Variants in KCNN3 observed in about 807,000 individuals in gnomAD.
The protein encoded by KCNN3 is small conductance calcium-activated potassium channel protein 3.
In KCNN3, 16 loss-of-function variants were observed where a neutral mutation model predicts 62.9. That is an observed-to-expected ratio of 0.25 (90% CI 0.17 to 0.39). The LOEUF is 0.39. Ranked by LOEUF, KCNN3 falls within the 10% of genes least tolerant of loss-of-function variation. The pLI is 1.00. For missense variants in KCNN3, 599 were observed against 949.4 expected (o/e 0.63, Z 4.85); for synonymous variants, 370 against 389.2 (o/e 0.95, Z 0.58).
At chr1:154,770,686 C>G (rs1648513976) in intron 3 of KCNN3, among the ~76,000 whole-genome samples, 1 of 152,140 alleles carries the variant, frequency 6.6e-6, no homozygotes. Flanking sequence ...GTAACTTGCC[C>G]TAGGTCTCAC....
At chr1:154,754,535 C>G (rs1438264390) in intron 3 of KCNN3, among the ~76,000 whole-genome samples, 3 of 152,208 alleles carry the variant, frequency 2.0e-5, no homozygotes, top group African/African-American at 4.8e-5. Flanking sequence ...ATGAAAGTGA[C>G]ATGTGTTACT....
intron 5 of KCNN3, among the ~76,000 whole-genome samples, chr1:154,715,467 T>C (rs1266245733): frequency 6.6e-6 from 1 of 151,350 alleles, no homozygotes; most frequent in Non-Finnish European, 1.5e-5. Flanking sequence ...AAAAAGGTGA[T>C]TAAAATTCAT....
chr1:154,789,972 G>A lies in KCNN3; in HGVS notation c.1030-17579C>T, dbSNP rs184249857. 8.7e-4 allele frequency among the ~76,000 whole-genome samples: 132 copies of A among 152,224 alleles called. 1 individual carries two copies. Among genetic ancestry groups the A allele is most frequent in the African/African-American group, 3.2e-3 (131 of 41,530 alleles). ...CCAGGCTGGAGGAGTGCAGTGGTGC[G>A]ATCTTGGCTCACTGCAACCTCTGCC... On this transcript the variant is annotated intron_variant, in intron 2 of 7. Coordinates refer to ENST00000271915, the MANE Select transcript of KCNN3 (RefSeq NM_002249.6).
intron 2 of KCNN3, among the ~76,000 whole-genome samples, chr1:154,811,260 C>A (rs989100625): frequency 6.6e-6 from 1 of 152,090 alleles, no homozygotes; most frequent in African/African-American, 2.4e-5. Context: ...GCGAAGAGAG[C>A]TCACCACAAG....
chr1:154,824,691 T>C lies in KCNN3; in HGVS notation c.934-2507A>G, dbSNP rs1336329365. On this transcript the variant is annotated intron_variant, in intron 1 of 7. Coordinates refer to ENST00000271915, the MANE Select transcript of KCNN3 (RefSeq NM_002249.6). ...ATCAGCTGCACATTTCAGCCCCTTATTTATTTCTTTTGGCAGCAATGAATT... is the reference window on the plus strand; with the variant it reads ...ATCAGCTGCACATTTCAGCCCCTTACTTATTTCTTTTGGCAGCAATGAATT... 3.3e-5 allele frequency among the ~76,000 whole-genome samples: 5 copies of C among 152,248 alleles called. No individual in the cohort carries two copies. In the South Asian group the frequency reaches 6.2e-4, roughly 19 times the overall value.
chr1:154,855,631 T>G (rs1652490508), intron 1 of KCNN3, among the ~76,000 whole-genome samples: 1 of 152,236 alleles, frequency 6.6e-6, no homozygotes, highest in Admixed American at 6.5e-5. Context: ...GTAAGTGCAC[T>G]GCATGATGCT....
intron 2 of KCNN3, among the ~76,000 whole-genome samples, chr1:154,813,505 C>T (rs1413779828): frequency 6.6e-6 from 1 of 152,154 alleles, no homozygotes; most frequent in Non-Finnish European, 1.5e-5. Context: ...AACACGGACT[C>T]TTCCCGAAAC....
At chr1:154,758,441 G>T (rs551949122) in intron 3 of KCNN3, among the ~76,000 whole-genome samples, 1 of 152,384 alleles carries the variant, frequency 6.6e-6, no homozygotes, top group East Asian at 1.9e-4. Flanking sequence ...TTGTGGGAGT[G>T]TCAGAGCCCA....
At chr1:154,853,570 C>A (rs11800262) in intron 1 of KCNN3, among the ~76,000 whole-genome samples, 71 of 152,284 alleles carry the variant, frequency 4.7e-4, no homozygotes, top group Middle Eastern at 3.4e-3. Context: ...TGAGCTCAAG[C>A]GATCCTCCTG....
At chr1:154,842,640 GCC>G (rs1182888128) in intron 1 of KCNN3, among the ~76,000 whole-genome samples, 16 of 11,790 alleles carry the variant, frequency 1.4e-3, no homozygotes, top group South Asian at 7.5e-3. Context: ...CCCCCCCCCC[GCC>G]ACCACCTCCT....
At chr1:154,851,727 A>G (rs1190133551) in intron 1 of KCNN3, among the ~76,000 whole-genome samples, 1 of 151,996 alleles carries the variant, frequency 6.6e-6, no homozygotes, top group Non-Finnish European at 1.5e-5. Flanking sequence ...CCAAACCATC[A>G]CCACCCTCAC....
intron 1 of KCNN3, among the ~76,000 whole-genome samples, chr1:154,849,409 C>T (rs111463542): frequency 9.8e-5 from 15 of 152,326 alleles, no homozygotes; most frequent in African/African-American, 3.4e-4. Flanking sequence ...GACTAGAAAG[C>T]GGATTGGCCT....
intron 4 of KCNN3, among the ~76,000 whole-genome samples, chr1:154,726,666 C>G (rs1222051420): frequency 2.0e-5 from 3 of 152,248 alleles, no homozygotes; most frequent in Admixed American, 6.5e-5. Context: ...TACGCTATGA[C>G]TCAGCACAAG....
intron 3 of KCNN3, among the ~76,000 whole-genome samples, chr1:154,761,041 T>C (rs1035821675): frequency 1.3e-5 from 2 of 152,278 alleles, no homozygotes; most frequent in Admixed American, 1.3e-4. Flanking sequence ...CATGAGTTCC[T>C]ATGGAAGATG....
At position 154,705,770 on chromosome 1, in the gene KCNN3, G is replaced by A. The variant is rs951154677; in HGVS notation, c.*2206C>T. ...CACAGGGTTATAGCAGAATGAAAACGGTGGGTAGGAATCACCAGTTGAAGG... is the reference window on the plus strand; with the variant it reads ...CACAGGGTTATAGCAGAATGAAAACAGTGGGTAGGAATCACCAGTTGAAGG... On this transcript the variant is annotated 3_prime_UTR_variant, in exon 8 of 8. Transcript: ENST00000271915. The A allele has an allele frequency of 3.3e-5, 5 of 152,148 alleles. No individual in the cohort carries two copies. The highest frequency in any genetic ancestry group is 1.9e-4 in the East Asian group (1 of 5,196). The allele number at this position is 152,148 out of a possible 1,614,324, so 9.4% of individuals were successfully genotyped here.
intron 1 of KCNN3, among the ~76,000 whole-genome samples, chr1:154,838,945 G>A (rs1408216360): frequency 2.6e-5 from 4 of 152,122 alleles, no homozygotes; most frequent in South Asian, 2.1e-4. Flanking sequence ...TGTTTCTCCC[G>A]AAGCTACTTT....
At chr1:154,763,795 AT>A (rs973424297) in intron 3 of KCNN3, among the ~76,000 whole-genome samples, 30 of 152,194 alleles carry the variant, frequency 2.0e-4, no homozygotes, top group African/African-American at 7.2e-4. Flanking sequence ...AAGTTGATCA[AT>A]TTTTTAAAGT....
chr1:154,730,892 C>T (rs746397280), intron 4 of KCNN3, among the ~76,000 whole-genome samples: 1 of 152,160 alleles, frequency 6.6e-6, no homozygotes, highest in African/African-American at 2.4e-5. Flanking sequence ...GAAAGACAAA[C>T]AGCCTCCGGA....
At chr1:154,760,520 G>A (rs912960633) in intron 3 of KCNN3, among the ~76,000 whole-genome samples, 6 of 152,054 alleles carry the variant, frequency 3.9e-5, no homozygotes, top group African/African-American at 1.2e-4. Context: ...GCCACAGCGA[G>A]AGGAAACCTG....
Sources: allele counts gnomAD v4.1 joint callset (sites outside exome capture counted in the v4.1 genomes callset), GRCh38; gene constraint gnomAD v4.1.1; transcripts MANE v1.5; gene names NCBI Gene and HGNC (gene_info 2026-07-23, HGNC 2026-07-21).